Variants in GMDS observed in about 807,000 individuals in gnomAD.
GMDS encodes GDP-mannose 4,6 dehydratase.
GMDS carries 20 observed loss-of-function variants against 49.9 expected under a neutral mutation model. The ratio of observed to expected loss-of-function variants is 0.40; its 90% CI spans 0.28 to 0.58. The LOEUF is 0.58. Ranked by LOEUF, GMDS falls within the 20% of genes least tolerant of loss-of-function variation. The pLI, the probability that GMDS is intolerant of heterozygous loss-of-function variation, is 0.42. For missense variants in GMDS, 362 were observed against 481.4 expected (o/e 0.75, Z 2.32); for synonymous variants, 177 against 178.6 (o/e 0.99, Z 0.07).
chr6:1,708,848 C>G (rs994020286), intron 9 of GMDS, among the ~76,000 whole-genome samples: 2 of 152,198 alleles, frequency 1.3e-5, no homozygotes, highest in Non-Finnish European at 2.9e-5. Context: ...AAAGAAGCAC[C>G]TTTACATGGT....
At chr6:2,232,650 T>C (rs1003149040) in intron 1 of GMDS, among the ~76,000 whole-genome samples, 1 of 152,198 alleles carries the variant, frequency 6.6e-6, no homozygotes, top group Non-Finnish European at 1.5e-5. Flanking sequence ...CAGTGCAGAC[T>C]GAAGAAGATG....
intron 1 of GMDS, among the ~76,000 whole-genome samples, chr6:2,178,820 G>A (rs976994067): frequency 2.0e-5 from 3 of 152,086 alleles, no homozygotes; most frequent in African/African-American, 7.2e-5. Flanking sequence ...AACATCCACA[G>A]GCCCTGACTT....
intron 1 of GMDS, among the ~76,000 whole-genome samples, chr6:2,169,294 A>C (rs761875652): frequency 1.3e-5 from 2 of 152,248 alleles, no homozygotes; most frequent in African/African-American, 4.8e-5. Context: ...AAAAATCTTC[A>C]TAAGAAAGAG....
intron 7 of GMDS, among the ~76,000 whole-genome samples, chr6:1,929,130 G>A (rs1296945570): frequency 6.6e-6 from 1 of 152,182 alleles, no homozygotes; most frequent in Admixed American, 6.5e-5. Context: ...AAGATGGCAG[G>A]TGAGCCTCAT....
intron 6 of GMDS, among the ~76,000 whole-genome samples, chr6:1,940,553 G>C (rs1762773929): frequency 4.6e-5 from 7 of 152,204 alleles, no homozygotes; most frequent in Admixed American, 4.6e-4. Flanking sequence ...ACTGAGATCA[G>C]AGAGATCATA....
At chr6:1,783,989 C>T (rs755446600) in intron 7 of GMDS, among the ~76,000 whole-genome samples, 2 of 152,068 alleles carry the variant, frequency 1.3e-5, no homozygotes, top group South Asian at 2.1e-4. Context: ...CCTAAAAAAA[C>T]CCCAAACCAT....
chr6:2,147,286 A>G (rs185437615), intron 1 of GMDS, among the ~76,000 whole-genome samples: 1 of 152,330 alleles, frequency 6.6e-6, no homozygotes, highest in Non-Finnish European at 1.5e-5. Flanking sequence ...AAGATAATCA[A>G]AATGGTAACC....
intron 7 of GMDS, among the ~76,000 whole-genome samples, chr6:1,916,888 T>TTG (rs1761432952): frequency 6.6e-6 from 1 of 152,126 alleles, no homozygotes; most frequent in Admixed American, 6.5e-5. Flanking sequence ...TCAGGTTTTT[T>TTG]TTTTTTTGAA....
intron 4 of GMDS, among the ~76,000 whole-genome samples, chr6:2,042,193 C>T (rs1050030201): frequency 3.1e-4 from 47 of 152,148 alleles, no homozygotes; most frequent in African/African-American, 1.1e-3. Context: ...TACGGGTGTT[C>T]CACTGATTGT....
intron 7 of GMDS, among the ~76,000 whole-genome samples, chr6:1,907,265 T>C (rs932288855): frequency 2.6e-5 from 4 of 152,116 alleles, no homozygotes; most frequent in African/African-American, 7.2e-5. Flanking sequence ...ACATGACAGA[T>C]GAGGGGAAGA....
intron 4 of GMDS, among the ~76,000 whole-genome samples, chr6:2,067,798 A>G (rs540391300): frequency 1.1e-4 from 17 of 152,218 alleles, no homozygotes; most frequent in Non-Finnish European, 2.5e-4. Flanking sequence ...AAAAGTGTCC[A>G]GGACCAGATG....
Position 1,925,592 on chromosome 6 carries a change from G to A in GMDS, c.771+4511C>T, listed in dbSNP as rs148664147. Among the ~76,000 whole-genome samples, 149 of 152,304 alleles carry A rather than the reference G, an allele frequency of 9.8e-4. 2 individuals are homozygous for A. The East Asian group carries it at 0.023, about 23-fold the overall frequency. On this transcript the variant is annotated intron_variant, in intron 7 of 10. Transcript: ENST00000380815. ...ATAACCAGCACCCACCTCACAACAC[G>A]AGGAGAAAATGCTCTCTGCTCTTCA...
At chr6:2,093,122 A>G (rs1056413756) in intron 4 of GMDS, among the ~76,000 whole-genome samples, 1 of 152,200 alleles carries the variant, frequency 6.6e-6, no homozygotes, top group Non-Finnish European at 1.5e-5. Flanking sequence ...AAATATTTCC[A>G]TTGTGACCAG....
intron 9 of GMDS, among the ~76,000 whole-genome samples, chr6:1,638,322 A>G (rs905636265): frequency 6.6e-6 from 1 of 152,176 alleles, no homozygotes; most frequent in African/African-American, 2.4e-5. Flanking sequence ...GCTGGAGATG[A>G]ATGGTTTCAC....
intron 4 of GMDS, among the ~76,000 whole-genome samples, chr6:1,997,313 T>C (rs147510331): frequency 6.6e-6 from 1 of 151,674 alleles, no homozygotes; most frequent in Non-Finnish European, 1.5e-5. Context: ...ACGGAAACCA[T>C]CCTGGCCAAC....
chr6:1,729,319 C>G (rs192410800), intron 8 of GMDS, among the ~76,000 whole-genome samples: 2 of 152,312 alleles, frequency 1.3e-5, no homozygotes, highest in Admixed American at 1.3e-4. Flanking sequence ...CAACAGGCAC[C>G]AGCTCCCCTG....
intron 6 of GMDS, among the ~76,000 whole-genome samples, chr6:1,941,941 C>G (rs1253801518): frequency 6.6e-6 from 1 of 152,134 alleles, no homozygotes; most frequent in Non-Finnish European, 1.5e-5. Flanking sequence ...CTCAACCCCG[C>G]CTCGCTCACC....
At chr6:2,140,572 C>A (rs545993617) in intron 1 of GMDS, among the ~76,000 whole-genome samples, 1 of 152,282 alleles carries the variant, frequency 6.6e-6, no homozygotes, top group South Asian at 2.1e-4. Flanking sequence ...CAGTCGTTCC[C>A]AGTCTATTTA....
intron 4 of GMDS, among the ~76,000 whole-genome samples, chr6:2,108,511 A>T (rs945939793): frequency 6.6e-6 from 1 of 152,170 alleles, no homozygotes. Flanking sequence ...ATGTGCTAAC[A>T]TTGCACCTGG....
Sources: gnomAD v4.1 joint callset for allele counts (sites outside exome capture counted in the v4.1 genomes callset) on GRCh38, gnomAD v4.1.1 for gene constraint, MANE v1.5 for transcripts, NCBI Gene and HGNC (gene_info 2026-07-23, HGNC 2026-07-21) for gene names.